CAMSAP2: variants seen among roughly 807,000 people sequenced by gnomAD.
CAMSAP2 encodes calmodulin-regulated spectrin-associated protein 2.
A neutral mutation model predicts 146.1 loss-of-function variants in CAMSAP2; 26 were observed. The ratio of observed to expected loss-of-function variants is 0.18; its 90% confidence interval spans 0.13 to 0.25. The LOEUF is 0.25. CAMSAP2 is among the 10% of genes least tolerant of loss of function. CAMSAP2 has a pLI of 1.00. For missense variants in CAMSAP2, 1,381 were observed against 1,759.3 expected (o/e 0.78, Z 3.85); for synonymous variants, 499 against 596.6 (o/e 0.84, Z 2.38).
rs1004074502 is a variant in CAMSAP2, at chr1:200,756,058, G to A, written c.140-4781G>A. 2.0e-5 allele frequency among the ~76,000 whole-genome samples: 3 copies of A among 152,214 alleles called. No individual in the cohort carries two copies. The East Asian group carries it at 5.8e-4, about 29-fold the overall frequency. On this transcript the variant is annotated intron_variant, in intron 1 of 16. Coordinates refer to ENST00000358823, the MANE Select transcript of CAMSAP2 (RefSeq NM_203459.4). Reference sequence around the variant, plus strand: ...TTTGGAACATAGCGGCCTGGGGAAAGTGGAGGAAGTTGAGGTCAGAGTAGG... The same window carrying A: ...TTTGGAACATAGCGGCCTGGGGAAAATGGAGGAAGTTGAGGTCAGAGTAGG...
In CAMSAP2 at chr1:200,853,486, G is replaced by T. The variant is rs1371491211; in HGVS notation, c.3814G>T (p.Gly1272Cys). Residue 1272 changes from glycine (G) to cysteine (C), a missense_variant, in exon 13 of 17, where the codon GGT becomes TGT. Gly to Cys is a radical substitution (Grantham distance 159, BLOSUM62 -3). This residue lies in a region of CAMSAP2 where 560 missense variants were observed against 715.9 expected (regional missense o/e 0.78). Transcript: ENST00000358823. This position sits in a 1 kb window ranked among gnomAD's most constrained non-coding sequence, Gnocchi z 5.1. The stretch of plus-strand genomic sequence containing the variant: ...TGAATCCCCCAAAACACCAATAAAG[G>T]GTCCTCCAGGTAACATAGCTTATTA... The part of the protein sequence containing the change: ...HIESPKTPIK[G>C]PPVSSLSLAS... 1 of 1,608,512 alleles carries T rather than the reference G, an allele frequency of 6.2e-7. No individual in the cohort carries two copies. Among genetic ancestry groups the T allele is most frequent in the African/African-American group, 1.3e-5 (1 of 74,580 alleles).
rs1452746076 is a variant in CAMSAP2 at position 200,793,563 on chromosome 1, C to T, written c.400-13813C>T. The stretch of plus-strand genomic sequence containing the variant: ...GAAGGGTTGCTGCAGAGAAAGCTGC[C>T]TTGTTTGGATATTACTGATGGTAGG... On this transcript the variant is annotated intron_variant, in intron 2 of 16. Transcript: ENST00000358823. Among the ~76,000 whole-genome samples the T allele has an allele frequency of 4.6e-5, 7 of 151,976 alleles. No homozygotes were observed. The East Asian group carries it at 1.4e-3, about 29-fold the overall frequency.
intron 2 of CAMSAP2, among the ~76,000 whole-genome samples, chr1:200,763,206 T>G (rs1664847924): frequency 6.6e-6 from 1 of 152,172 alleles, no homozygotes; most frequent in African/African-American, 2.4e-5. Context: ...ATAGAATCTT[T>G]ATCTCTGGTT....
In CAMSAP2 at chr1:200,745,254, A is replaced by G. The variant is rs141367212; in HGVS notation, c.139+5288A>G. Among the ~76,000 whole-genome samples, 135 of 152,116 alleles carry G rather than the reference A, an allele frequency of 8.9e-4. 1 individual carries two copies. The highest frequency in any genetic ancestry group is 3.2e-3 in the African/African-American group (132 of 41,478). On this transcript the variant is annotated intron_variant, in intron 1 of 16. Coordinates refer to ENST00000358823, the MANE Select transcript of CAMSAP2 (RefSeq NM_203459.4). ...GATGCCAGTAGTGTTCCCTACCACTACCCCTACTCCTACCCCAGTTGTGAC... is the reference window on the plus strand; with the variant it reads ...GATGCCAGTAGTGTTCCCTACCACTGCCCCTACTCCTACCCCAGTTGTGAC...
rs765552333 is a variant in CAMSAP2 at position 200,857,728 on chromosome 1, T to C, written c.4132-26T>C. 3 of 1,539,580 alleles carry C rather than the reference T, an allele frequency of 1.9e-6. No individual in the cohort carries two copies. Among genetic ancestry groups the C allele is most frequent in the South Asian group, 1.3e-5 (1 of 79,612 alleles). On this transcript the variant is annotated intron_variant, in intron 16 of 16. Coordinates refer to ENST00000358823, the MANE Select transcript of CAMSAP2 (RefSeq NM_203459.4). The surrounding 1 kb of genome is among the most constrained non-coding windows in gnomAD (Gnocchi z 4.7). ...TAAAGGGTTTTTATTCGTGTTGTTA[T>C]GTTGTTTTTGTTTTTTATTTTAAAG...
intron 1 of CAMSAP2, among the ~76,000 whole-genome samples, chr1:200,746,910 C>T (rs184794155): frequency 1.6e-4 from 25 of 152,050 alleles, no homozygotes; most frequent in Admixed American, 1.4e-3. Context: ...GAGTCAACTG[C>T]GCCCGGCCTA....
intron 6 of CAMSAP2, among the ~76,000 whole-genome samples, chr1:200,837,485 A>G (rs1307393077): frequency 6.6e-6 from 1 of 152,162 alleles, no homozygotes; most frequent in Admixed American, 6.5e-5. Flanking sequence ...GCCCTGTAAT[A>G]TAGTTTGCAG....
At chr1:200,831,452 G>T (rs1177744018) in intron 4 of CAMSAP2, among the ~76,000 whole-genome samples, 1 of 152,118 alleles carries the variant, frequency 6.6e-6, no homozygotes, top group South Asian at 2.1e-4. Context: ...TCTGAACCAG[G>T]ATCTGAATTT....
chr1:200,743,940 CAATA>C (rs57009637), intron 1 of CAMSAP2, among the ~76,000 whole-genome samples: 38,071 of 147,442 alleles, frequency 0.26, 5,278 homozygotes, highest in African/African-American at 0.34. Flanking sequence ...GACTCTGTCT[CAATA>C]AATAAATAAA....
chr1:200,845,848 A>G (rs539365287), intron 8 of CAMSAP2, among the ~76,000 whole-genome samples: 10 of 152,360 alleles, frequency 6.6e-5, no homozygotes, highest in African/African-American at 2.2e-4. Context: ...ACATAGTATT[A>G]GGAACTAAAC....
chr1:200,780,278 G>T (rs1463801938), intron 2 of CAMSAP2, among the ~76,000 whole-genome samples: 1 of 152,186 alleles, frequency 6.6e-6, no homozygotes, highest in Non-Finnish European at 1.5e-5. Context: ...TATGTGGGCA[G>T]TACTTGTCAA....
intron 2 of CAMSAP2, among the ~76,000 whole-genome samples, chr1:200,779,303 TAGAAA>T (rs1234642286): frequency 1.3e-5 from 2 of 152,184 alleles, no homozygotes; most frequent in Non-Finnish European, 2.9e-5. Flanking sequence ...TTTTAAAAGA[TAGAAA>T]AGACTATGTA....
At chr1:200,756,062 A>T (rs538308966) in intron 1 of CAMSAP2, among the ~76,000 whole-genome samples, 1 of 152,278 alleles carries the variant, frequency 6.6e-6, no homozygotes, top group South Asian at 2.1e-4. Context: ...GGGAAAGTGG[A>T]GGAAGTTGAG....
At position 200,858,047 on chromosome 1, in the gene CAMSAP2, C is replaced by A; in HGVS notation, c.4425C>A (p.Pro1475=). Reference sequence around the variant, plus strand: ...CAGTAACACCCAAAAAACTTTTACCCACTAAGGCATAGAAGTTGGGAAATA... The same window carrying A: ...CAGTAACACCCAAAAAACTTTTACCAACTAAGGCATAGAAGTTGGGAAATA... The part of the protein sequence containing the change: ...KRPVTPKKLL[P]TKA The change falls in exon 17 of 17, where the codon CCC becomes CCA. Residue 1475 remains proline (P), a synonymous_variant. Coordinates refer to ENST00000358823, the MANE Select transcript of CAMSAP2 (RefSeq NM_203459.4). The A allele has an allele frequency of 6.3e-7, 1 of 1,586,996 alleles. No individual in the cohort carries two copies. Among genetic ancestry groups the A allele is most frequent in the South Asian group, 1.2e-5 (1 of 85,140 alleles).
intron 4 of CAMSAP2, among the ~76,000 whole-genome samples, chr1:200,820,641 A>G (rs545335771): frequency 1.3e-5 from 2 of 152,274 alleles, no homozygotes; most frequent in East Asian, 3.9e-4. Context: ...TAACAGTTAC[A>G]AACTATAACC....
chr1:200,816,509 G>A (rs1286197306), intron 4 of CAMSAP2, among the ~76,000 whole-genome samples: 3 of 147,676 alleles, frequency 2.0e-5, no homozygotes, highest in Non-Finnish European at 4.5e-5. Flanking sequence ...CAGGAGAATC[G>A]CTTGAACCCA....
At chr1:200,805,001 T>C (rs1666135123) in intron 2 of CAMSAP2, among the ~76,000 whole-genome samples, 1 of 152,218 alleles carries the variant, frequency 6.6e-6, no homozygotes, top group Admixed American at 6.5e-5. Context: ...ATATAAAACA[T>C]AAATGATACT....
intron 2 of CAMSAP2, among the ~76,000 whole-genome samples, chr1:200,800,094 A>G (rs921302215): frequency 3.9e-5 from 6 of 152,144 alleles, no homozygotes; most frequent in East Asian, 1.9e-4. Context: ...CCAATTATGT[A>G]ATCAATTTTA....
intron 8 of CAMSAP2, among the ~76,000 whole-genome samples, chr1:200,846,808 C>G (rs888914240): frequency 6.6e-6 from 1 of 152,186 alleles, no homozygotes; most frequent in Non-Finnish European, 1.5e-5. Flanking sequence ...GATATACAAA[C>G]AGGTCCGTGA....
Sources: gnomAD v4.1 joint callset for allele counts (sites outside exome capture counted in the v4.1 genomes callset) on GRCh38, gnomAD v4.1.1 for gene constraint, gnomAD v4.1.1 regional missense constraint, Gnocchi (gnomAD v3.1) non-coding constraint, MANE v1.5 for transcripts, NCBI Gene and HGNC (gene_info 2026-07-23, HGNC 2026-07-21) for gene names.